The following IMPG1 variants were observed in gnomAD, a reference collection of about 807,000 sequenced individuals.
IMPG1 encodes interphotoreceptor matrix proteoglycan of 150 kDa.
IMPG1 carries 85 observed loss-of-function variants against 92.0 expected under a neutral mutation model. The observed-to-expected ratio is 0.92, with a 90% CI of 0.78 to 1.11. The LOEUF is 1.11. IMPG1 is among the 50% of genes least tolerant of loss of function. IMPG1 has a pLI of 0.00. For synonymous variants in IMPG1, 367 were observed against 334.1 expected (o/e 1.10, Z -1.08); for missense variants, 1,022 against 956.0 (o/e 1.07, Z -0.91).
chr6:75,924,647 AAT>A (rs1781505331), intron 15 of IMPG1, among the ~76,000 whole-genome samples: 1 of 3,408 alleles, frequency 2.9e-4, no homozygotes, highest in African/African-American at 4.4e-4. Flanking sequence ...ATATATAATT[AAT>A]TATATATAAT....
intron 8 of IMPG1, among the ~76,000 whole-genome samples, chr6:76,010,944 A>G (rs938119066): frequency 7.2e-5 from 11 of 152,232 alleles, no homozygotes; most frequent in Non-Finnish European, 1.6e-4. Context: ...TCTGATTCCC[A>G]GAAGAAGGAA....
chr6:75,982,555 ATC>A (rs1782644549), intron 12 of IMPG1, among the ~76,000 whole-genome samples: 1 of 150,070 alleles, frequency 6.7e-6, no homozygotes, highest in Non-Finnish European at 1.5e-5. Context: ...CTATCTATCT[ATC>A]TATCTATATA....
chr6:76,071,174 T>C (rs1055194835), intron 1 of IMPG1, among the ~76,000 whole-genome samples: 37 of 148,114 alleles, frequency 2.5e-4, no homozygotes, highest in Admixed American at 2.0e-3. Flanking sequence ...TTGTTATATA[T>C]AAAAATTATA....
intron 12 of IMPG1, among the ~76,000 whole-genome samples, chr6:75,964,346 A>T (rs1782265630): frequency 1.3e-5 from 2 of 152,202 alleles, no homozygotes; most frequent in Non-Finnish European, 2.9e-5. Flanking sequence ...TACAATGATT[A>T]AAATGGTGAA....
chr6:76,019,198 C>T (rs1384391710), intron 6 of IMPG1, among the ~76,000 whole-genome samples: 1 of 152,144 alleles, frequency 6.6e-6, no homozygotes, highest in South Asian at 2.1e-4. Context: ...GTCTCCATCA[C>T]TAAGGGCCAA....
intron 12 of IMPG1, among the ~76,000 whole-genome samples, chr6:75,956,115 A>ATG (rs1782115816): frequency 6.6e-6 from 1 of 152,194 alleles, no homozygotes; most frequent in Non-Finnish European, 1.5e-5. Flanking sequence ...GCCTCATAAA[A>ATG]TGAATTAGGG....
chr6:76,020,985 C>T (rs111997038), intron 6 of IMPG1, among the ~76,000 whole-genome samples: 72 of 152,306 alleles, frequency 4.7e-4, no homozygotes, highest in Middle Eastern at 3.4e-3. Context: ...TAAAGAATCT[C>T]TATTAACATA....
intron 10 of IMPG1, 60 bp downstream of exon 10, chr6:76,005,227 C>A (rs970631662): frequency 1.9e-6 from 3 of 1,545,428 alleles, no homozygotes; most frequent in Admixed American, 3.6e-5. Context: ...ATGAGACATT[C>A]ACATTCTTAG....
In IMPG1 at chr6:75,924,657, A is replaced by AATATATAATATATT. The variant is rs1781506489; in HGVS notation, c.2244-952_2244-951insAATATATTATATAT. On this transcript the variant is annotated intron_variant, in intron 15 of 16. Coordinates refer to ENST00000369950, the MANE Select transcript of IMPG1 (RefSeq NM_001563.4). ...ATATTATATATAATTAATTATATAT[A>AATATATAATATATT]ATATATAATAAATTATATATTATAT... is the stretch of plus-strand genomic sequence containing the variant. 1.0e-3 allele frequency among the ~76,000 whole-genome samples: 7 copies of AATATATAATATATT among 6,682 alleles called. 1 individual carries two copies. Among genetic ancestry groups the AATATATAATATATT allele is most frequent in the Admixed American group, 5.6e-3 (1 of 178 alleles). 4.4% of individuals were successfully genotyped at this position (6,682 alleles called of 152,430 possible).
intron 12 of IMPG1, among the ~76,000 whole-genome samples, chr6:75,995,559 T>G (rs1782884280): frequency 6.6e-6 from 1 of 152,228 alleles, no homozygotes; most frequent in African/African-American, 2.4e-5. Context: ...AGATCTCAGT[T>G]TAAACATTGT....
chr6:75,975,320 T>C (rs1232097426), intron 12 of IMPG1, among the ~76,000 whole-genome samples: 2 of 152,188 alleles, frequency 1.3e-5, no homozygotes, highest in African/African-American at 4.8e-5. Context: ...TGGAACAAAG[T>C]CAGTTCTGAT....
chr6:75,965,903 A>G lies in IMPG1; in HGVS notation c.1292-14809T>C, dbSNP rs367569459. Among the ~76,000 whole-genome samples, 167 of 152,256 alleles carry G rather than the reference A, an allele frequency of 1.1e-3. 1 individual carries two copies. The highest frequency in any genetic ancestry group is 1.6e-3 in the Admixed American group (24 of 15,294). On this transcript the variant is annotated intron_variant, in intron 12 of 16. Transcript: ENST00000369950. ...ATTACAGGCATGAGCCACCACGCCCAGCCACACACTTGTTCTTTACCAGAT... is the reference window on the plus strand; with the variant it reads ...ATTACAGGCATGAGCCACCACGCCCGGCCACACACTTGTTCTTTACCAGAT...
intron 15 of IMPG1, among the ~76,000 whole-genome samples, chr6:75,924,198 T>G (rs1484011192): frequency 2.0e-5 from 3 of 150,840 alleles, no homozygotes; most frequent in Non-Finnish European, 2.9e-5. Flanking sequence ...CCTAAAGAAA[T>G]TAAAAATAGG....
chr6:75,926,954 C>A (rs902288126), intron 15 of IMPG1, among the ~76,000 whole-genome samples: 2 of 152,266 alleles, frequency 1.3e-5, no homozygotes, highest in South Asian at 4.1e-4. Context: ...CAGGAGGGCA[C>A]CTGCCTTCAG....
At chr6:76,044,533 G>C (rs545683257) in intron 1 of IMPG1, among the ~76,000 whole-genome samples, 3 of 152,248 alleles carry the variant, frequency 2.0e-5, no homozygotes, top group Admixed American at 2.0e-4. Flanking sequence ...GGCTGGTCCT[G>C]TTCTTACTGC....
rs57057920 is a variant in IMPG1, at chr6:75,952,911, G to A, written c.1292-1817C>T. On this transcript the variant is annotated intron_variant, in intron 12 of 16. Coordinates refer to ENST00000369950, the MANE Select transcript of IMPG1 (RefSeq NM_001563.4). The stretch of plus-strand genomic sequence containing the variant: ...CTGGCATTTCTTGGTCATGAGAACC[G>A]TGAGAAATATATTTCTATTGTTTAA... Among the ~76,000 whole-genome samples the A allele has an allele frequency of 2.3e-3, 350 of 152,296 alleles. 1 individual carries two copies. Among genetic ancestry groups the A allele is most frequent in the African/African-American group, 7.9e-3 (328 of 41,564 alleles).
chr6:75,975,509 TTGTCTCTC>T (rs1782519253), intron 12 of IMPG1, among the ~76,000 whole-genome samples: 1 of 152,248 alleles, frequency 6.6e-6, no homozygotes, highest in Non-Finnish European at 1.5e-5. Flanking sequence ...GTGCTTTTTG[TTGTCTCTC>T]ACTGAGCTAT....
At chr6:76,032,645 T>C (rs1271059412) in intron 4 of IMPG1, among the ~76,000 whole-genome samples, 2 of 152,060 alleles carry the variant, frequency 1.3e-5, no homozygotes, top group Non-Finnish European at 2.9e-5. Context: ...GAGTACAAAG[T>C]TCAAAGCAGG....
chr6:76,046,128 T>G (rs1325015771), intron 1 of IMPG1, among the ~76,000 whole-genome samples: 1 of 152,114 alleles, frequency 6.6e-6, no homozygotes, highest in Non-Finnish European at 1.5e-5. Flanking sequence ...AAGTTGAAAA[T>G]TACTTTCTGA....
Sources: gnomAD v4.1 joint callset for allele counts (sites outside exome capture counted in the v4.1 genomes callset) on GRCh38, gnomAD v4.1.1 for gene constraint, MANE v1.5 for transcripts, NCBI Gene and HGNC (gene_info 2026-07-23, HGNC 2026-07-21) for gene names.